Variants in EEFSEC observed in about 807,000 individuals in gnomAD.
EEFSEC encodes the protein selenocysteine-specific elongation factor.
A neutral mutation model predicts 42.1 loss-of-function variants in EEFSEC; 43 were observed. That is an observed-to-expected ratio of 1.02 (90% CI 0.80 to 1.32). The LOEUF (loss-of-function observed/expected upper bound fraction) is 1.32. Among genes scored for constraint, EEFSEC ranks in the 40% most tolerant of loss-of-function variants. The pLI is 0.00. For missense variants in EEFSEC, 745 were observed against 803.6 expected (o/e 0.93, Z 0.88); for synonymous variants, 354 against 339.1 (o/e 1.04, Z -0.48).
intron 4 of EEFSEC, among the ~76,000 whole-genome samples, chr3:128,296,536 A>T (rs2066707777): frequency 6.6e-6 from 1 of 151,828 alleles, no homozygotes; most frequent in Admixed American, 6.6e-5. Context: ...TTCTCAGCAT[A>T]CTCACCTTCA....
intron 4 of EEFSEC, among the ~76,000 whole-genome samples, chr3:128,274,495 G>C (rs1234650176): frequency 3.3e-5 from 5 of 152,186 alleles, no homozygotes; most frequent in Admixed American, 3.3e-4. Context: ...TAGGGAGTGT[G>C]GCTGGCCTCT....
chr3:128,175,869 C>T (rs943797152), intron 1 of EEFSEC, among the ~76,000 whole-genome samples: 2 of 152,146 alleles, frequency 1.3e-5, no homozygotes, highest in African/African-American at 2.4e-5. Context: ...TAGCTGTGCT[C>T]AGTTAAGTGG....
intron 6 of EEFSEC, among the ~76,000 whole-genome samples, chr3:128,390,565 T>A (rs1295964569): frequency 6.6e-6 from 1 of 152,240 alleles, no homozygotes; most frequent in Non-Finnish European, 1.5e-5. Context: ...CCTTGCTTGC[T>A]GTTCTCTACA....
chr3:128,307,167 C>A (rs1380294483), intron 4 of EEFSEC, among the ~76,000 whole-genome samples: 6 of 152,258 alleles, frequency 3.9e-5, no homozygotes, highest in African/African-American at 1.4e-4. Flanking sequence ...CCTGCCCCTG[C>A]CCTCTCCAAG....
At chr3:128,254,334 C>T (rs1264333359) in intron 2 of EEFSEC, among the ~76,000 whole-genome samples, 1 of 152,204 alleles carries the variant, frequency 6.6e-6, no homozygotes, top group Admixed American at 6.5e-5. Flanking sequence ...GGGGTGCCAT[C>T]ATCTGTGGCT....
intron 5 of EEFSEC, among the ~76,000 whole-genome samples, chr3:128,350,032 A>C (rs750728277): frequency 4.1e-4 from 62 of 152,332 alleles, no homozygotes; most frequent in African/African-American, 2.9e-4. Context: ...TCTGGCACCC[A>C]CTGGCGCCGG....
intron 1 of EEFSEC, among the ~76,000 whole-genome samples, chr3:128,178,654 T>A (rs1289043698): frequency 1.3e-5 from 2 of 152,222 alleles, no homozygotes; most frequent in Admixed American, 6.5e-5. Flanking sequence ...AAATTCATAC[T>A]GAATCTTTAC....
At chr3:128,403,898 G>A (rs529578983) in intron 6 of EEFSEC, among the ~76,000 whole-genome samples, 17 of 152,334 alleles carry the variant, frequency 1.1e-4, no homozygotes, top group Non-Finnish European at 1.8e-4. Context: ...CTGGAGATCT[G>A]GCTGCCTTGT....
chr3:128,256,655 A>G (rs891425991), intron 2 of EEFSEC, among the ~76,000 whole-genome samples: 2 of 152,184 alleles, frequency 1.3e-5, no homozygotes, highest in South Asian at 2.1e-4. Context: ...TGTCATTTAT[A>G]ATTTCAGTTT....
At chr3:128,229,151 C>T (rs2065935831) in intron 1 of EEFSEC, among the ~76,000 whole-genome samples, 1 of 152,200 alleles carries the variant, frequency 6.6e-6, no homozygotes, top group South Asian at 2.1e-4. Context: ...CTCCTTCAGT[C>T]CTCCTAACAG....
rs1559963948 is a variant in EEFSEC, at chr3:128,408,365, C to T, written c.*106C>T. 1 of 1,221,550 alleles carries T rather than the reference C, an allele frequency of 8.2e-7. No homozygotes were observed. Among genetic ancestry groups the T allele is most frequent in the Non-Finnish European group, 1.1e-6 (1 of 885,052 alleles). 75.7% of individuals were successfully genotyped at this position (1,221,550 alleles called of 1,614,324 possible). A position where few individuals can be genotyped will look rare whatever the true frequency, so the allele number is the denominator to read the frequency against. On this transcript the variant is annotated 3_prime_UTR_variant, in exon 7 of 7. Coordinates refer to ENST00000254730, the MANE Select transcript of EEFSEC (RefSeq NM_021937.5). ...GCCTCTCCCAGTCTCTCCCTGCAGT[C>T]CTGCAGCAGCAGCCCCCACCCCCAA...
chr3:128,236,669 T>A (rs1424816404), intron 1 of EEFSEC, among the ~76,000 whole-genome samples: 2 of 152,244 alleles, frequency 1.3e-5, no homozygotes, highest in Non-Finnish European at 2.9e-5. Context: ...TCTGACTTCA[T>A]CTCCTTCCTC....
chr3:128,159,960 A>G (rs1171932557), intron 1 of EEFSEC, among the ~76,000 whole-genome samples: 1 of 152,252 alleles, frequency 6.6e-6, no homozygotes, highest in Non-Finnish European at 1.5e-5. Flanking sequence ...ATGAGACCAG[A>G]GCAGGAACCT....
chr3:128,183,564 A>T (rs1055104291), intron 1 of EEFSEC, among the ~76,000 whole-genome samples: 12 of 152,182 alleles, frequency 7.9e-5, no homozygotes, highest in Admixed American at 4.6e-4. Flanking sequence ...TGCTTATTGG[A>T]AATGTGACCT....
intron 4 of EEFSEC, among the ~76,000 whole-genome samples, chr3:128,326,210 T>TA: frequency 6.6e-6 from 1 of 152,320 alleles, no homozygotes; most frequent in East Asian, 1.9e-4. Flanking sequence ...TAGTACAAAA[T>TA]ATATTGGTGT....
intron 6 of EEFSEC, among the ~76,000 whole-genome samples, chr3:128,358,731 G>T (rs192336285): frequency 6.6e-6 from 1 of 152,200 alleles, no homozygotes; most frequent in Non-Finnish European, 1.5e-5. Context: ...GAGGGAGACC[G>T]CTGGGGGCCT....
chr3:128,177,300 T>G (rs1027856080), intron 1 of EEFSEC, among the ~76,000 whole-genome samples: 4 of 152,118 alleles, frequency 2.6e-5, no homozygotes, highest in African/African-American at 9.7e-5. Context: ...GGCCTATGTG[T>G]TGGCCTGGGG....
At chr3:128,177,631 T>A (rs1226993674) in intron 1 of EEFSEC, among the ~76,000 whole-genome samples, 4 of 152,172 alleles carry the variant, frequency 2.6e-5, no homozygotes, top group African/African-American at 9.7e-5. Context: ...CACCTCTGTT[T>A]AGAGATGGTA....
chr3:128,203,740 G>A (rs2065665744), intron 1 of EEFSEC, among the ~76,000 whole-genome samples: 1 of 152,212 alleles, frequency 6.6e-6, no homozygotes, highest in African/African-American at 2.4e-5. Context: ...TGAGGATAAA[G>A]TTGTAACAGA....
Sources: allele counts gnomAD v4.1 joint callset (sites outside exome capture counted in the v4.1 genomes callset), GRCh38; gene constraint gnomAD v4.1.1; transcripts MANE v1.5; gene names NCBI Gene and HGNC (gene_info 2026-07-23, HGNC 2026-07-21).